CHRM2: variants seen among roughly 807,000 people sequenced by gnomAD.
CHRM2 encodes the protein cholinergic receptor muscarinic 2.
CHRM2 carries 8 observed loss-of-function variants against 25.0 expected under a neutral mutation model. The observed-to-expected ratio is 0.32, with a 90% CI of 0.19 to 0.58. CHRM2 has a LOEUF of 0.58. Among genes scored for constraint, CHRM2 ranks in the 20% least tolerant of loss-of-function variants. CHRM2 has a pLI of 0.88. For missense variants in CHRM2, 440 were observed against 567.1 expected (o/e 0.78, Z 2.28); for synonymous variants, 202 against 205.7 (o/e 0.98, Z 0.15).
At chr7:136,986,246 C>T (rs1027502309) in intron 2 of CHRM2, among the ~76,000 whole-genome samples, 4 of 152,080 alleles carry the variant, frequency 2.6e-5, no homozygotes, top group African/African-American at 9.7e-5. Flanking sequence ...CTTATTTTGG[C>T]AGTTTATTTT....
rs1647390780 is a variant in CHRM2, at chr7:137,016,886, C to T, written c.*620C>T. On this transcript the variant is annotated 3_prime_UTR_variant, in exon 4 of 4. Coordinates refer to ENST00000680005, the MANE Select transcript of CHRM2 (RefSeq NM_001006630.2). ...AAGAGAAAGCAAACAAACAGAAACC[C>T]CAACTAGGTCACACCATTTTTCTTC... 6.0e-6 allele frequency: 1 copy of T among 167,184 alleles called. No homozygotes were observed. 10.4% of individuals were successfully genotyped at this position (167,184 alleles called of 1,614,324 possible). A position where few individuals can be genotyped will look rare whatever the true frequency, so the allele number is the denominator to read the frequency against.
At chr7:136,948,655 T>A (rs1463623519) in intron 2 of CHRM2, among the ~76,000 whole-genome samples, 1 of 152,198 alleles carries the variant, frequency 6.6e-6, no homozygotes, top group Non-Finnish European at 1.5e-5. Context: ...TAGGCATGAA[T>A]GTCAGGTTTG....
At position 136,968,305 on chromosome 7, in the gene CHRM2, A is replaced by C. The variant is rs939087866; in HGVS notation, c.-124-23882A>C. ...CTCGACATTCTTAATCAGCAGGGAA[A>C]TGCAAATTAAAACCCCAATAAGATA... On this transcript the variant is annotated intron_variant, in intron 2 of 3. Coordinates refer to ENST00000680005, the MANE Select transcript of CHRM2 (RefSeq NM_001006630.2). 6.6e-5 allele frequency among the ~76,000 whole-genome samples: 10 copies of C among 152,178 alleles called. No individual in the cohort carries two copies. In the East Asian group the frequency reaches 1.5e-3, roughly 23 times the overall value.
At chr7:137,006,080 AT>A (rs1804405641) in intron 3 of CHRM2, among the ~76,000 whole-genome samples, 1 of 152,066 alleles carries the variant, frequency 6.6e-6, no homozygotes, top group South Asian at 2.1e-4. Context: ...TTTAGAGCAC[AT>A]TGTTTAGTCA....
At chr7:136,978,775 T>A (rs1242167910) in intron 2 of CHRM2, among the ~76,000 whole-genome samples, 2 of 152,206 alleles carry the variant, frequency 1.3e-5, no homozygotes, top group Non-Finnish European at 1.5e-5. Context: ...GCAAAAGACA[T>A]GAACTTATTA....
intron 3 of CHRM2, among the ~76,000 whole-genome samples, chr7:137,007,690 AGCCCCAGGCCAGGACTC>A (rs1460036868): frequency 4.6e-5 from 7 of 152,148 alleles, no homozygotes; most frequent in Non-Finnish European, 1.0e-4. Flanking sequence ...CTGTCTCCTG[AGCCCCAGGCCAGGACTC>A]GCTTCCATCT....
In CHRM2 at chr7:136,869,733, C is replaced by A; in HGVS notation, c.-125+315C>A. 1 of 152,674 alleles carries A rather than the reference C, an allele frequency of 6.5e-6. No homozygotes were observed. Among genetic ancestry groups the A allele is most frequent in the Non-Finnish European group, 1.5e-5 (1 of 68,350 alleles). 9.5% of individuals were successfully genotyped at this position (152,674 alleles called of 1,614,324 possible). ...AAAGCAGCCTGGGAGCTGCGCTGTCCCGGCGTCGCTCCCTATTCCAGCCCC... is the reference window on the plus strand; with the variant it reads ...AAAGCAGCCTGGGAGCTGCGCTGTCACGGCGTCGCTCCCTATTCCAGCCCC... On this transcript the variant is annotated intron_variant, in intron 2 of 3. Transcript: ENST00000680005. The surrounding 1 kb of genome is among the most constrained non-coding windows in gnomAD (Gnocchi z 4.9).
intron 3 of CHRM2, among the ~76,000 whole-genome samples, chr7:137,008,766 C>T (rs773531897): frequency 3.3e-5 from 5 of 152,110 alleles, no homozygotes; most frequent in Non-Finnish European, 7.4e-5. Flanking sequence ...AAACTTTCTT[C>T]TTGTTCTCAA....
At chr7:136,873,493 A>G (rs543951057) in intron 2 of CHRM2, among the ~76,000 whole-genome samples, 1 of 152,354 alleles carries the variant, frequency 6.6e-6, no homozygotes, top group Admixed American at 6.5e-5. Flanking sequence ...ATGAGTTAAT[A>G]CAGCAATCAA....
Sources: gnomAD v4.1 joint callset for allele counts (sites outside exome capture counted in the v4.1 genomes callset) on GRCh38, gnomAD v4.1.1 for gene constraint, Gnocchi (gnomAD v3.1) non-coding constraint, MANE v1.5 for transcripts, NCBI Gene and HGNC (gene_info 2026-07-23, HGNC 2026-07-21) for gene names.